Variants in KIF5A observed in about 807,000 individuals in gnomAD.
KIF5A encodes the protein kinesin heavy chain isoform 5A.
Under a neutral mutation model 141.3 loss-of-function variants are expected in KIF5A, and 35 were observed. The observed-to-expected ratio is 0.25, with a 90% CI of 0.19 to 0.33. The LOEUF (loss-of-function observed/expected upper bound fraction) is 0.33. KIF5A is among the 10% of genes least tolerant of loss of function. KIF5A has a pLI of 1.00. For synonymous variants in KIF5A, 448 were observed against 500.2 expected (o/e 0.90, Z 1.39); for missense variants, 861 against 1,314.3 (o/e 0.66, Z 5.33).
In KIF5A at chr12:57,569,225, T is replaced by C. The variant is rs367591625; in HGVS notation, c.820-31T>C. The C allele has an allele frequency of 2.5e-6, 4 of 1,613,340 alleles. No homozygotes were observed. In the African/African-American group the frequency reaches 5.3e-5, roughly 22 times the overall value. On this transcript the variant is annotated intron_variant, in intron 9 of 28. Transcript: ENST00000455537. ...TTCCCTGTTGAATTTTATTTGTTTA[T>C]TTCTGATTCCTGGTCTCCTTCCTCC...
chr12:57,575,025 G>A, intron 15 of KIF5A, 59 bp from the exon 16 acceptor site: 1 of 1,534,682 alleles, frequency 6.5e-7, no homozygotes, highest in Non-Finnish European at 9.0e-7. Flanking sequence ...AAGGTGGGAG[G>A]GAACAGATAA....
intron 15 of KIF5A, among the ~76,000 whole-genome samples, chr12:57,574,562 G>A (rs1008235350): frequency 1.4e-5 from 2 of 144,164 alleles, no homozygotes; most frequent in African/African-American, 2.6e-5. Flanking sequence ...GTGAGCCACC[G>A]AGCCCGGCCC....
chr12:57,551,349 T>C (rs1044924759), intron 1 of KIF5A, among the ~76,000 whole-genome samples: 16 of 152,234 alleles, frequency 1.1e-4, no homozygotes, highest in Non-Finnish European at 8.8e-5. Flanking sequence ...TTGAATAACT[T>C]TCTCAAGGTC....
At chr12:57,563,565 C>A in intron 2 of KIF5A, 39 bp downstream of exon 2, 1 of 1,605,534 alleles carries the variant, frequency 6.2e-7, no homozygotes, top group Non-Finnish European at 8.5e-7. Context: ...TCTCAGCACC[C>A]CATTTCCTAC....
At chr12:57,573,689 T>C (rs893309178) in intron 15 of KIF5A, among the ~76,000 whole-genome samples, 8 of 151,060 alleles carry the variant, frequency 5.3e-5, no homozygotes, top group Non-Finnish European at 1.0e-4. Context: ...ATTAGCCGGG[T>C]GTGGTGGCTC....
chr12:57,583,296 C>T, intron 28 of KIF5A, 81 bp downstream of exon 28: 1 of 778,114 alleles, frequency 1.3e-6, no homozygotes, highest in Non-Finnish European at 2.1e-6. Flanking sequence ...CCTGCTGCTG[C>T]TTCTTTTTTT....
chr12:57,582,159 G>T (rs1274553594), intron 26 of KIF5A, among the ~76,000 whole-genome samples: 1 of 152,184 alleles, frequency 6.6e-6, no homozygotes, highest in Non-Finnish European at 1.5e-5. Flanking sequence ...TAGGAGGATT[G>T]CTTGAGCTCA....
intron 1 of KIF5A, among the ~76,000 whole-genome samples, chr12:57,560,913 C>A (rs1283158975): frequency 1.3e-5 from 2 of 152,008 alleles, no homozygotes; most frequent in African/African-American, 4.8e-5. Context: ...TTGCTTGGGC[C>A]TGGGAGGTTG....
At chr12:57,568,586 G>A (rs1023609461) in intron 8 of KIF5A, among the ~76,000 whole-genome samples, 2 of 152,104 alleles carry the variant, frequency 1.3e-5, no homozygotes, top group African/African-American at 2.4e-5. Flanking sequence ...TTAGCTGGGC[G>A]TGGTGGCACA....
At chr12:57,556,044 G>A (rs1881730402) in intron 1 of KIF5A, among the ~76,000 whole-genome samples, 1 of 152,048 alleles carries the variant, frequency 6.6e-6, no homozygotes, top group Admixed American at 6.5e-5. Flanking sequence ...ACAGAAGTAG[G>A]TAGCAGGCCT....
chr12:57,558,907 C>G (rs1881825678), intron 1 of KIF5A, among the ~76,000 whole-genome samples: 1 of 152,132 alleles, frequency 6.6e-6, no homozygotes, highest in African/African-American at 2.4e-5. Flanking sequence ...TGCTGAGTAG[C>G]TGGGACCACA....
chr12:57,552,123 A>G (rs2140151531), intron 1 of KIF5A, among the ~76,000 whole-genome samples: 1 of 152,284 alleles, frequency 6.6e-6, no homozygotes, highest in Admixed American at 6.5e-5. Context: ...GATCCCCCTG[A>G]GACATAAAGG....
At position 57,572,364 on chromosome 12, in the gene KIF5A, C is replaced by T; in HGVS notation, c.1569+97C>T. 9 of 1,326,184 alleles carry T rather than the reference C, an allele frequency of 6.8e-6. No homozygotes were observed. Among genetic ancestry groups the T allele is most frequent in the Non-Finnish European group, 1.1e-6 (1 of 943,212 alleles). The allele number at this position is 1,326,184 out of a possible 1,614,324, so 82.2% of individuals were successfully genotyped here. Reference sequence around the variant, plus strand: ...TCCTTCCAGGGCTGTATGGTGGCTGCACCTCTGCACTGCTGTTCAGTGCAT... The same window carrying T: ...TCCTTCCAGGGCTGTATGGTGGCTGTACCTCTGCACTGCTGTTCAGTGCAT... On this transcript the variant is annotated intron_variant, in intron 14 of 28. Transcript: ENST00000455537. This position sits in a 1 kb window ranked among gnomAD's most constrained non-coding sequence, Gnocchi z 4.2.
In KIF5A at chr12:57,562,495, C is replaced by T. The variant is rs543000976; in HGVS notation, c.130-944C>T. 8.5e-5 allele frequency among the ~76,000 whole-genome samples: 13 copies of T among 152,338 alleles called. No homozygotes were observed. The East Asian group carries it at 2.5e-3, about 29-fold the overall frequency. On this transcript the variant is annotated intron_variant, in intron 1 of 28. Coordinates refer to ENST00000455537, the MANE Select transcript of KIF5A (RefSeq NM_004984.4). ...CCTCCCAAAGTGCTGGGATTACAGG[C>T]TTGAGCCACCGTGCCCGACCCACAG...
Position 57,569,065 on chromosome 12 carries a change from AC to A in KIF5A, c.818del (p.Thr273IlefsTer12). 6.2e-7 allele frequency: 1 copy of A among 1,612,170 alleles called. No individual in the cohort carries two copies. The highest frequency in any genetic ancestry group is 8.5e-7 in the Non-Finnish European group (1 of 1,178,292). ...GNVISALAEG[T>X]KSYVPYRDSK... is the part of the protein sequence containing the mutation. ...TGTGATCTCCGCACTGGCTGAGGGC[AC>A]TGTGAGTGATCCTTAGGTCCCCTCA... On this transcript the variant is annotated frameshift_variant and splice_region_variant, in exon 9 of 29. Coordinates refer to ENST00000455537, the MANE Select transcript of KIF5A (RefSeq NM_004984.4). LOFTEE classifies it high-confidence loss of function.
At chr12:57,574,778 C>T (rs1882370005) in intron 15 of KIF5A, among the ~76,000 whole-genome samples, 1 of 149,576 alleles carries the variant, frequency 6.7e-6, no homozygotes, top group South Asian at 2.1e-4. Context: ...CAGGGTTTCA[C>T]CACCATGTTG....
intron 8 of KIF5A, among the ~76,000 whole-genome samples, chr12:57,568,080 A>G (rs1316475520): frequency 6.6e-6 from 1 of 151,832 alleles, no homozygotes; most frequent in Non-Finnish European, 1.5e-5. Flanking sequence ...ACGGGGTTTC[A>G]CCATGTTGGC....
At chr12:57,562,216 C>G (rs1395662547) in intron 1 of KIF5A, among the ~76,000 whole-genome samples, 1 of 152,136 alleles carries the variant, frequency 6.6e-6, no homozygotes, top group African/African-American at 2.4e-5. Flanking sequence ...TGATTTGCTT[C>G]ACAGTTCTTT....
At chr12:57,567,458 G>C in intron 7 of KIF5A, 36 bp from the exon 8 acceptor site, 1 of 1,611,308 alleles carries the variant, frequency 6.2e-7, no homozygotes, top group Non-Finnish European at 8.5e-7. Context: ...AGTTCTGCAG[G>C]GTGGTGCAGG....
Sources: allele counts gnomAD v4.1 joint callset (sites outside exome capture counted in the v4.1 genomes callset), GRCh38; gene constraint gnomAD v4.1.1; non-coding constraint Gnocchi (gnomAD v3.1); transcripts MANE v1.5; gene names NCBI Gene and HGNC (gene_info 2026-07-23, HGNC 2026-07-21).